Variants in TRAF1 observed in about 807,000 individuals in gnomAD.
TRAF1 encodes TNF receptor associated factor 1.
A neutral mutation model predicts 40.9 loss-of-function variants in TRAF1; 23 were observed. The ratio of observed to expected loss-of-function variants is 0.56; its 90% CI spans 0.40 to 0.80. The LOEUF is 0.80. Among genes scored for constraint, TRAF1 ranks in the 30% least tolerant of loss-of-function variants. TRAF1 has a pLI of 0.00. For synonymous variants in TRAF1, 206 were observed against 218.8 expected, an observed-to-expected ratio of 0.94 and a Z score of 0.52; for missense variants, 477 against 528.7, an observed-to-expected ratio of 0.90 and a Z score of 0.96.
chr9:120,914,557 C>G (rs572199386), intron 3 of TRAF1: 1 of 1,136,898 alleles, frequency 8.8e-7, no homozygotes, highest in African/African-American at 1.6e-5. Flanking sequence ...ACAGTCCACA[C>G]AGCTCCGTAA....
At chr9:120,915,419 C>T (rs991818921) in intron 3 of TRAF1, among the ~76,000 whole-genome samples, 5 of 152,170 alleles carry the variant, frequency 3.3e-5, no homozygotes, top group Non-Finnish European at 5.9e-5. Flanking sequence ...CTGGGACCAT[C>T]GTTGTATATG....
rs1288715914 is a variant in TRAF1, at chr9:120,903,696, C to T, written c.*1324G>A. 6.6e-6 allele frequency: 1 copy of T among 152,352 alleles called. No individual in the cohort carries two copies. Among genetic ancestry groups the T allele is most frequent in the Non-Finnish European group, 1.5e-5 (1 of 68,162 alleles). 9.4% of individuals were successfully genotyped at this position (152,352 alleles called of 1,614,324 possible). On this transcript the variant is annotated 3_prime_UTR_variant, in exon 8 of 8. Coordinates refer to ENST00000373887, the MANE Select transcript of TRAF1 (RefSeq NM_005658.5). ...GGTGTGGGCCACCACCAGGCCATGACAGGCGGGCAGTATTGCCCAGGCTTC... is the reference window on the plus strand; with the variant it reads ...GGTGTGGGCCACCACCAGGCCATGATAGGCGGGCAGTATTGCCCAGGCTTC...
chr9:120,920,059 G>C (rs1472626180), intron 3 of TRAF1, among the ~76,000 whole-genome samples: 3 of 152,184 alleles, frequency 2.0e-5, no homozygotes, highest in Non-Finnish European at 2.9e-5. Flanking sequence ...GATTACAGAT[G>C]AACACTGTCA....
Position 120,915,338 on chromosome 9 carries a change from TGTAAGTAC to T in TRAF1, c.229-1046_229-1039del, listed in dbSNP as rs11276829. ...GAATACTGTAGGCAATTGTTAACAC[TGTAAGTAC>T]GTGTGTATCTAAATATATCTAAACA... On this transcript the variant is annotated intron_variant, in intron 3 of 7. Transcript: ENST00000373887. Among the ~76,000 whole-genome samples, 832 of 152,334 alleles carry T rather than the reference TGTAAGTAC, an allele frequency of 5.5e-3. 30 individuals carry two copies. Among genetic ancestry groups the T allele is most frequent in the Admixed American group, 0.042 (648 of 15,308 alleles).
chr9:120,914,318 A>G lies in TRAF1; in HGVS notation c.229-18T>C. Reference sequence around the variant, plus strand: ...GGGTGAGCCTGGAAATAATAATCACATCACTGAATGTTATAGCGATCCCTG... The same window carrying G: ...GGGTGAGCCTGGAAATAATAATCACGTCACTGAATGTTATAGCGATCCCTG... On this transcript the variant is annotated intron_variant, in intron 3 of 7. Transcript: ENST00000373887. 2 of 1,486,938 alleles carry G rather than the reference A, an allele frequency of 1.3e-6. No homozygotes were observed. The highest frequency in any genetic ancestry group is 1.8e-6 in the Non-Finnish European group (2 of 1,105,682). The allele number at this position is 1,486,938 out of a possible 1,614,324, so 92.1% of individuals were successfully genotyped here. A position where few individuals can be genotyped will look rare whatever the true frequency, so the allele number is the denominator to read the frequency against.
At chr9:120,923,236 C>T (rs575863795) in intron 3 of TRAF1, among the ~76,000 whole-genome samples, 1 of 152,264 alleles carries the variant, frequency 6.6e-6, no homozygotes, top group South Asian at 2.1e-4. Context: ...GATTGGGGCT[C>T]ATAACAATTC....
Position 120,917,229 on chromosome 9 carries a change from G to T in TRAF1, c.229-2929C>A, listed in dbSNP as rs546744450. 3.1e-4 allele frequency among the ~76,000 whole-genome samples: 47 copies of T among 152,274 alleles called. 2 individuals carry two copies. In the South Asian group the frequency reaches 9.3e-3, roughly 30 times the overall value. ...CCTTGAACAGTTGCTGGAGAAAGGG[G>T]CAGGGGTGACTTGAGAGGCTTTCAG... On this transcript the variant is annotated intron_variant, in intron 3 of 7. Transcript: ENST00000373887.
In TRAF1 at chr9:120,923,720, A is replaced by G. The variant is rs766173046; in HGVS notation, c.213T>C (p.Leu71=). Residue 71 remains leucine (L), a synonymous_variant, in exon 3 of 8, where the codon CTT becomes CTC. Transcript: ENST00000373887. The part of the protein sequence containing the change: ...DLQSISPGSR[L]RTQEKAHPEV... ...GCCAACGTACCTTCTCCTGAGTTCG[A>G]AGACGGCTTCCTGGGCTTATAGACT... 3.1e-6 allele frequency: 5 copies of G among 1,614,038 alleles called. No homozygotes were observed. The highest frequency in any genetic ancestry group is 4.2e-6 in the Non-Finnish European group (5 of 1,180,018).
intron 7 of TRAF1, 108 bp downstream of exon 7, chr9:120,909,122 A>G: frequency 1.5e-6 from 2 of 1,360,472 alleles, no homozygotes; most frequent in Non-Finnish European, 2.0e-6. Context: ...GATAACACAG[A>G]GAGGGTGGGG....
At chr9:120,920,234 C>T (rs2046596346) in intron 3 of TRAF1, among the ~76,000 whole-genome samples, 1 of 152,164 alleles carries the variant, frequency 6.6e-6, no homozygotes, top group Non-Finnish European at 1.5e-5. Context: ...GCTAAGTTGC[C>T]TTTTGTGACC....
intron 2 of TRAF1, 138 bp downstream of exon 2, chr9:120,925,798 G>A: frequency 7.9e-7 from 1 of 1,263,712 alleles, no homozygotes; most frequent in South Asian, 1.4e-5. Context: ...GGGAGTGTGA[G>A]AAAAGGGTGT....
chr9:120,914,918 T>C (rs1005537617), intron 3 of TRAF1, among the ~76,000 whole-genome samples: 1 of 152,190 alleles, frequency 6.6e-6, no homozygotes, highest in Non-Finnish European at 1.5e-5. Flanking sequence ...ATTTACCAAA[T>C]GCTTTCATGG....
chr9:120,907,903 C>G (rs2046494753), intron 7 of TRAF1, among the ~76,000 whole-genome samples: 1 of 151,720 alleles, frequency 6.6e-6, no homozygotes, highest in Admixed American at 6.6e-5. Context: ...TCTCTCTCCT[C>G]TTTCTTTGAG....
upstream of TRAF1, chr9:120,929,016 C>A (rs1389198572): frequency 6.6e-6 from 1 of 152,284 alleles, no homozygotes; most frequent in East Asian, 1.9e-4. The surrounding 1 kb of genome is among the most constrained non-coding windows in gnomAD (Gnocchi z 4.5). Flanking sequence ...GAGGAGTCCC[C>A]GCCTCAGCAA....
At chr9:120,920,803 C>T (rs1458666746) in intron 3 of TRAF1, among the ~76,000 whole-genome samples, 4 of 152,202 alleles carry the variant, frequency 2.6e-5, no homozygotes, top group Admixed American at 2.6e-4. Context: ...GAAGTGTTTG[C>T]AAGGAGGGCT....
At chr9:120,925,635 G>A (rs751695942) in intron 2 of TRAF1, among the ~76,000 whole-genome samples, 3 of 152,184 alleles carry the variant, frequency 2.0e-5, no homozygotes, top group Admixed American at 6.5e-5. Context: ...AGCGAGCTGC[G>A]GCTTAGGGAC....
chr9:120,923,857 G>A, intron 2 of TRAF1, 65 bp from the exon 3 acceptor site: 1 of 1,403,366 alleles, frequency 7.1e-7, no homozygotes, highest in South Asian at 1.2e-5. Context: ...CCACTCTCCT[G>A]ACAGCTCCAG....
rs2046459882 is a variant in TRAF1 at position 120,904,013 on chromosome 9, G to T, written c.*1007C>A. 1 of 152,286 alleles carries T rather than the reference G, an allele frequency of 6.6e-6. No homozygotes were observed. The highest frequency in any genetic ancestry group is 2.4e-5 in the African/African-American group (1 of 41,466). The allele number at this position is 152,286 out of a possible 1,614,324, so 9.4% of individuals were successfully genotyped here. ...CTTTGGGGTTATACATTGCTCAGTG[G>T]CTTGGAGGTCCTGATCAGTCTGCTG... On this transcript the variant is annotated 3_prime_UTR_variant, in exon 8 of 8. Transcript: ENST00000373887.
chr9:120,917,917 A>G (rs1206898821), intron 3 of TRAF1, among the ~76,000 whole-genome samples: 2 of 152,160 alleles, frequency 1.3e-5, no homozygotes, highest in African/African-American at 4.8e-5. Context: ...AACCACCAGT[A>G]TCTCAGAATA....
Sources: gnomAD v4.1 joint callset for allele counts (sites outside exome capture counted in the v4.1 genomes callset) on GRCh38, gnomAD v4.1.1 for gene constraint, Gnocchi (gnomAD v3.1) non-coding constraint, MANE v1.5 for transcripts, NCBI Gene and HGNC (gene_info 2026-07-23, HGNC 2026-07-21) for gene names.